The following NXPE2 variants were observed in gnomAD, a reference collection of about 807,000 sequenced individuals.
The protein encoded by NXPE2 is NXPE family member 2.
A neutral mutation model predicts 34.4 loss-of-function variants in NXPE2; 34 were observed. The ratio of observed to expected loss-of-function variants is 0.99; its 90% confidence interval spans 0.75 to 1.31. NXPE2 has a LOEUF of 1.31. Ranked by LOEUF, NXPE2 falls within the 40% of genes most tolerant of loss-of-function variation. NXPE2 has a pLI of 0.00. For synonymous variants in NXPE2, 235 were observed against 231.3 expected (o/e 1.02, Z -0.15); for missense variants, 649 against 672.5 (o/e 0.97, Z 0.39).
In NXPE2 at chr11:114,705,945, G is replaced by A; in HGVS notation, c.1093G>A (p.Gly365Arg). 1 of 1,536,538 alleles carries A rather than the reference G, an allele frequency of 6.5e-7. No homozygotes were observed. The highest frequency in any genetic ancestry group is 8.8e-7 in the Non-Finnish European group (1 of 1,140,602). ...CLERKLIYLM[G>R]DSTLHQWIYY... Reference sequence around the variant, plus strand: ...GGAAAGAAAACTTATTTATCTCATGGGAGATTCAACACTGCATCAGTGGAT... The same window carrying A: ...GGAAAGAAAACTTATTTATCTCATGAGAGATTCAACACTGCATCAGTGGAT... Residue 365 changes from glycine to arginine, a missense_variant, in exon 5 of 6, where the codon GGA (glycine) becomes AGA (arginine). Coordinates refer to ENST00000389586, the MANE Select transcript of NXPE2 (RefSeq NM_182495.6).
the NXPE2 span, among the ~76,000 whole-genome samples, chr11:114,563,954 A>G: frequency 6.6e-6 from 1 of 152,160 alleles, no homozygotes; most frequent in African/African-American, 2.4e-5. Flanking sequence ...ACTACTGGGT[A>G]TCTACCCAGA....
chr11:114,609,961 C>T, the NXPE2 span, among the ~76,000 whole-genome samples: 4 of 151,518 alleles, frequency 2.6e-5, no homozygotes, highest in Non-Finnish European at 5.9e-5. Flanking sequence ...CACTGTTACA[C>T]GGTGGATAAT....
chr11:114,632,514 A>G, the NXPE2 span, among the ~76,000 whole-genome samples: 1 of 124,048 alleles, frequency 8.1e-6, no homozygotes, highest in Non-Finnish European at 1.6e-5. Flanking sequence ...ATTTTATTTT[A>G]TATTATATTT....
At chr11:114,600,245 C>T in the NXPE2 span, among the ~76,000 whole-genome samples, 1 of 152,132 alleles carries the variant, frequency 6.6e-6, no homozygotes, top group Non-Finnish European at 1.5e-5. Context: ...GATGGGTTAA[C>T]ATAACCAGTA....
chr11:114,605,592 C>T, the NXPE2 span, among the ~76,000 whole-genome samples: 5 of 132,352 alleles, frequency 3.8e-5, no homozygotes, highest in South Asian at 2.4e-4. Context: ...ATTGCCTCGT[C>T]GGTAACCACT....
At chr11:114,787,572 A>G in the NXPE2 span, among the ~76,000 whole-genome samples, 1 of 152,206 alleles carries the variant, frequency 6.6e-6, no homozygotes, top group Non-Finnish European at 1.5e-5. Flanking sequence ...ATTTACTGAG[A>G]GTGCAGGCAC....
intron 2 of NXPE2, among the ~76,000 whole-genome samples, chr11:114,695,868 A>ACACAC (rs1274356013): frequency 1.9e-5 from 1 of 53,960 alleles, no homozygotes; most frequent in African/African-American, 5.7e-5. Context: ...CACACACACA[A>ACACAC]TTAGCTGGGT....
chr11:114,750,077 TAACTC>T, the NXPE2 span, among the ~76,000 whole-genome samples: 10 of 152,272 alleles, frequency 6.6e-5, no homozygotes, highest in South Asian at 2.1e-4. Flanking sequence ...GGTGCTCTCT[TAACTC>T]AGCTCAGTTC....
the NXPE2 span, among the ~76,000 whole-genome samples, chr11:114,477,609 T>C: frequency 1.3e-5 from 2 of 152,116 alleles, no homozygotes; most frequent in Non-Finnish European, 2.9e-5. Context: ...GTATGAATAG[T>C]ATACTAAAGA....
the NXPE2 span, among the ~76,000 whole-genome samples, chr11:114,664,439 C>T: frequency 2.7e-5 from 4 of 150,520 alleles, no homozygotes; most frequent in African/African-American, 9.7e-5. Context: ...TCGAAACTTA[C>T]AACTGTAAAC....
the NXPE2 span, among the ~76,000 whole-genome samples, chr11:114,533,180 G>A: frequency 6.6e-6 from 1 of 152,098 alleles, no homozygotes; most frequent in Non-Finnish European, 1.5e-5. Flanking sequence ...TTTTATAGAT[G>A]TTGTGACTGT....
chr11:114,655,957 G>A, the NXPE2 span, among the ~76,000 whole-genome samples: 13,370 of 152,178 alleles, frequency 0.088, 801 homozygotes, highest in Non-Finnish European at 0.13. Context: ...GAAATAAAGC[G>A]TATTCACATA....
chr11:114,675,403 A>G (rs1950846729), upstream of NXPE2, among the ~76,000 whole-genome samples: 1 of 151,772 alleles, frequency 6.6e-6, no homozygotes, highest in Non-Finnish European at 1.5e-5. Flanking sequence ...ATATATAGAG[A>G]ACTCTAAAGA....
At chr11:114,534,609 A>C in the NXPE2 span, among the ~76,000 whole-genome samples, 1 of 152,362 alleles carries the variant, frequency 6.6e-6, no homozygotes, top group East Asian at 1.9e-4. Context: ...TGGAGCTGAA[A>C]ACCACAGCAC....
At chr11:114,736,847 C>A in the NXPE2 span, among the ~76,000 whole-genome samples, 1 of 152,188 alleles carries the variant, frequency 6.6e-6, no homozygotes, top group African/African-American at 2.4e-5. Context: ...TCTTCACAAT[C>A]CACATTCTTG....
chr11:114,534,936 C>G, the NXPE2 span, among the ~76,000 whole-genome samples: 3 of 152,120 alleles, frequency 2.0e-5, no homozygotes, highest in African/African-American at 7.2e-5. Context: ...GAGAACGCCA[C>G]TAAGATACTC....
the NXPE2 span, among the ~76,000 whole-genome samples, chr11:114,599,999 C>T: frequency 1.3e-5 from 2 of 151,946 alleles, no homozygotes; most frequent in Non-Finnish European, 2.9e-5. Context: ...AACAGCTGTT[C>T]CTCACAGAAG....
the NXPE2 span, among the ~76,000 whole-genome samples, chr11:114,658,392 A>G: frequency 6.6e-6 from 1 of 152,330 alleles, no homozygotes; most frequent in Middle Eastern, 3.4e-3. Flanking sequence ...GACTTTGCAC[A>G]TAAAGGGAAT....
At chr11:114,582,368 G>C in the NXPE2 span, 1 of 1,614,052 alleles carries the variant, frequency 6.2e-7, no homozygotes, top group African/African-American at 1.3e-5. Flanking sequence ...GTGCAGCACA[G>C]GGCATGTGTT....
Sources: allele counts gnomAD v4.1 joint callset (sites outside exome capture counted in the v4.1 genomes callset), GRCh38; gene constraint gnomAD v4.1.1; transcripts MANE v1.5; gene names NCBI Gene and HGNC (gene_info 2026-07-23, HGNC 2026-07-21).